ADAMTS3: variants seen among roughly 807,000 people sequenced by gnomAD.
ADAMTS3 encodes ADAM metallopeptidase with thrombospondin type 1 motif 3, also known as A disintegrin and metalloproteinase with thrombospondin motifs 3.
ADAMTS3 carries 73 observed loss-of-function variants against 129.0 expected under a neutral mutation model. The observed-to-expected ratio is 0.57, with a 90% confidence interval of 0.47 to 0.69. The LOEUF (loss-of-function observed/expected upper bound fraction) is 0.69. ADAMTS3 is among the 30% of genes least tolerant of loss of function. The pLI, the probability that ADAMTS3 is intolerant of heterozygous loss-of-function variation, is 0.00. For missense variants in ADAMTS3, 1,457 were observed against 1,514.5 expected, an observed-to-expected ratio of 0.96 and a Z score of 0.63; for synonymous variants, 477 against 510.8, an observed-to-expected ratio of 0.93 and a Z score of 0.89.
rs187087140 is a variant in ADAMTS3 at position 72,298,811 on chromosome 4, T to A, written c.2425-369A>T. Among the ~76,000 whole-genome samples the A allele has an allele frequency of 2.6e-3, 397 of 151,422 alleles. 2 individuals carry two copies. The highest frequency in any genetic ancestry group is 0.014 in the Admixed American group (219 of 15,220). On this transcript the variant is annotated intron_variant, in intron 17 of 21. Coordinates refer to ENST00000286657, the MANE Select transcript of ADAMTS3 (RefSeq NM_014243.3). ...TATAATTAAAATTAAAGGATTAAAA[T>A]TTTTAAATTAAAATTTTTAAATTTT...
At chr4:72,529,483 A>C (rs1386998942) in intron 3 of ADAMTS3, among the ~76,000 whole-genome samples, 1 of 151,102 alleles carries the variant, frequency 6.6e-6, no homozygotes, top group East Asian at 1.9e-4. Flanking sequence ...GTTATATATT[A>C]GAATCATTTG....
At chr4:72,449,090 C>T (rs138306456) in intron 3 of ADAMTS3, among the ~76,000 whole-genome samples, 284 of 151,806 alleles carry the variant, frequency 1.9e-3, no homozygotes, top group African/African-American at 6.6e-3. Context: ...AGCTTACTGA[C>T]TCTTTCTCTG....
chr4:72,511,272 C>T (rs1578747024), intron 3 of ADAMTS3, among the ~76,000 whole-genome samples: 1 of 151,970 alleles, frequency 6.6e-6, no homozygotes, highest in Admixed American at 6.6e-5. Context: ...CAAAAATGGA[C>T]AAATGGGATC....
intron 21 of ADAMTS3, among the ~76,000 whole-genome samples, chr4:72,285,991 A>T (rs1203431723): frequency 6.6e-6 from 1 of 152,180 alleles, no homozygotes; most frequent in Non-Finnish European, 1.5e-5. Flanking sequence ...TTTTACTTCA[A>T]ATATGGTAGA....
At chr4:72,473,823 T>G (rs1578712877) in intron 3 of ADAMTS3, among the ~76,000 whole-genome samples, 1 of 152,194 alleles carries the variant, frequency 6.6e-6, no homozygotes, top group Non-Finnish European at 1.5e-5. Flanking sequence ...CCCTCCCCAC[T>G]GGGGTGGTTT....
intron 3 of ADAMTS3, among the ~76,000 whole-genome samples, chr4:72,469,196 T>G (rs1718998388): frequency 6.6e-6 from 1 of 152,118 alleles, no homozygotes; most frequent in Non-Finnish European, 1.5e-5. Context: ...CAGAAATATG[T>G]TTAGAAGACA....
chr4:72,358,800 C>G (rs1484919901), intron 4 of ADAMTS3, among the ~76,000 whole-genome samples: 1 of 151,918 alleles, frequency 6.6e-6, no homozygotes, highest in Non-Finnish European at 1.5e-5. Context: ...TTTAACAGAG[C>G]TACCTCAGAC....
intron 3 of ADAMTS3, among the ~76,000 whole-genome samples, chr4:72,416,506 C>T (rs1722309405): frequency 1.3e-5 from 2 of 152,148 alleles, no homozygotes; most frequent in African/African-American, 4.8e-5. Context: ...GAACAAACCT[C>T]TAGCTTTCAC....
chr4:72,303,825 T>C (rs142167794), intron 17 of ADAMTS3, 92 bp downstream of exon 17: 14 of 1,325,466 alleles, frequency 1.1e-5, no homozygotes, highest in Admixed American at 4.3e-5. Flanking sequence ...AAGTTCAAAG[T>C]ACACTTAATG....
chr4:72,484,887 C>T (rs995496277), intron 3 of ADAMTS3, among the ~76,000 whole-genome samples: 1 of 152,122 alleles, frequency 6.6e-6, no homozygotes, highest in Non-Finnish European at 1.5e-5. Context: ...GTATAAACGA[C>T]CCTCCCTTTC....
At position 72,324,406 on chromosome 4, in the gene ADAMTS3, C is replaced by A. The variant is rs183431900; in HGVS notation, c.862-1309G>T. Among the ~76,000 whole-genome samples, 9 of 151,796 alleles carry A rather than the reference C, an allele frequency of 5.9e-5. No homozygotes were observed. The East Asian group carries it at 1.7e-3, about 29-fold the overall frequency. On this transcript the variant is annotated intron_variant, in intron 5 of 21. Coordinates refer to ENST00000286657, the MANE Select transcript of ADAMTS3 (RefSeq NM_014243.3). ...TGAATGTAGACTGAAAGCATACTTA[C>A]TGAATTTGTAGAAGTCACAAACAAG...
intron 3 of ADAMTS3, among the ~76,000 whole-genome samples, chr4:72,462,798 A>G (rs1718807892): frequency 6.6e-6 from 1 of 151,902 alleles, no homozygotes; most frequent in South Asian, 2.1e-4. Context: ...TTGGGTTATT[A>G]TAAGAGTTTA....
intron 4 of ADAMTS3, among the ~76,000 whole-genome samples, chr4:72,344,489 C>T (rs1720226774): frequency 6.6e-6 from 1 of 152,136 alleles, no homozygotes; most frequent in South Asian, 2.1e-4. Flanking sequence ...TATTCATTCT[C>T]TCTTCCCTAA....
chr4:72,346,330 G>C (rs76242742), intron 4 of ADAMTS3, among the ~76,000 whole-genome samples: 404 of 152,248 alleles, frequency 2.7e-3, no homozygotes, highest in African/African-American at 9.6e-3. Flanking sequence ...ATCTTTTTCA[G>C]ATCTTCCTCT....
At chr4:72,337,537 T>C (rs1259725133) in intron 5 of ADAMTS3, among the ~76,000 whole-genome samples, 1 of 152,158 alleles carries the variant, frequency 6.6e-6, no homozygotes, top group East Asian at 1.9e-4. Flanking sequence ...ACATAACTAA[T>C]AAACTTGTTG....
intron 4 of ADAMTS3, among the ~76,000 whole-genome samples, chr4:72,402,531 T>C (rs1190198335): frequency 6.6e-6 from 1 of 152,184 alleles, no homozygotes; most frequent in Non-Finnish European, 1.5e-5. Flanking sequence ...ATAAGTGCTT[T>C]AGTTTTCTCA....
At chr4:72,536,205 TAG>T (rs1186163239) in intron 3 of ADAMTS3, among the ~76,000 whole-genome samples, 1 of 152,218 alleles carries the variant, frequency 6.6e-6, no homozygotes, top group Non-Finnish European at 1.5e-5. Context: ...TTCTATATGG[TAG>T]AGTTATATAT....
chr4:72,421,378 T>C (rs1424264602), intron 3 of ADAMTS3, among the ~76,000 whole-genome samples: 5 of 152,248 alleles, frequency 3.3e-5, no homozygotes, highest in Admixed American at 2.6e-4. Context: ...TGCTATGTCA[T>C]ATCCCAGGGT....
At chr4:72,507,707 A>G (rs959684177) in intron 3 of ADAMTS3, among the ~76,000 whole-genome samples, 40 of 152,280 alleles carry the variant, frequency 2.6e-4, no homozygotes, top group African/African-American at 9.4e-4. Flanking sequence ...CATTTAAAGC[A>G]CTATAAAAAT....
Sources: allele counts gnomAD v4.1 joint callset (sites outside exome capture counted in the v4.1 genomes callset), GRCh38; gene constraint gnomAD v4.1.1; transcripts MANE v1.5; gene names NCBI Gene and HGNC (gene_info 2026-07-23, HGNC 2026-07-21).